TSNAX: variants seen among roughly 807,000 people sequenced by gnomAD.
The protein encoded by TSNAX is translin associated factor X, also known as translin-associated protein X.
A neutral mutation model predicts 33.0 loss-of-function variants in TSNAX; 12 were observed. That is an observed-to-expected ratio of 0.36 (90% CI 0.23 to 0.59). The LOEUF (loss-of-function observed/expected upper bound fraction) is 0.59. TSNAX is among the 20% of genes least tolerant of loss of function. The pLI is 0.74. For synonymous variants in TSNAX, 110 were observed against 117.2 expected (o/e 0.94, Z 0.40); for missense variants, 267 against 341.3 (o/e 0.78, Z 1.72).
At chr1:231,540,086 ATTGCTTGAACTCAGGAAGCGGAGG>A (rs1659468869) in intron 3 of TSNAX, among the ~76,000 whole-genome samples, 1 of 145,668 alleles carries the variant, frequency 6.9e-6, no homozygotes, top group African/African-American at 2.5e-5. Flanking sequence ...AGGCAGGAGA[ATTGCTTGAACTCAGGAAGCGGAGG>A]TTGCTTGAAC....
intron 3 of TSNAX, among the ~76,000 whole-genome samples, chr1:231,538,819 C>T (rs1046748964): frequency 2.6e-5 from 4 of 151,838 alleles, no homozygotes; most frequent in Admixed American, 1.3e-4. Context: ...GTAGTCCCAG[C>T]TGCTCAGGAG....
At chr1:231,561,331 C>A in intron 5 of TSNAX, 76 bp downstream of exon 5, 2 of 1,168,240 alleles carry the variant, frequency 1.7e-6, no homozygotes, top group Non-Finnish European at 2.4e-6. Context: ...GATTTACTGG[C>A]TTATGCTAAG....
chr1:231,540,682 G>A (rs1208281373), intron 3 of TSNAX, among the ~76,000 whole-genome samples: 4 of 152,176 alleles, frequency 2.6e-5, no homozygotes, highest in African/African-American at 4.8e-5. Flanking sequence ...ATTTCCTTAT[G>A]ATTTTCTGTA....
intron 4 of TSNAX, among the ~76,000 whole-genome samples, chr1:231,557,501 G>A (rs2124937027): frequency 6.6e-6 from 1 of 152,320 alleles, no homozygotes; most frequent in African/African-American, 2.4e-5. Flanking sequence ...ATTGAAGTAG[G>A]TTGAGAAGTG....
intron 5 of TSNAX, among the ~76,000 whole-genome samples, chr1:231,563,851 A>G (rs1661268785): frequency 6.6e-6 from 1 of 152,122 alleles, no homozygotes; most frequent in African/African-American, 2.4e-5. Flanking sequence ...AGAACCATCT[A>G]ATGATAAGTA....
chr1:231,544,724 C>A (rs1239279966), intron 4 of TSNAX, among the ~76,000 whole-genome samples: 3 of 152,106 alleles, frequency 2.0e-5, no homozygotes, highest in African/African-American at 7.2e-5. Context: ...ATAATGATAC[C>A]AAAAGCAACC....
chr1:231,539,441 C>G (rs914855356), intron 3 of TSNAX, among the ~76,000 whole-genome samples: 1 of 152,052 alleles, frequency 6.6e-6, no homozygotes, highest in Non-Finnish European at 1.5e-5. Flanking sequence ...CTTAGAGTGT[C>G]TTGTTGCTAA....
chr1:231,533,068 C>CTT (rs746007509), intron 2 of TSNAX, among the ~76,000 whole-genome samples: 1,678 of 136,390 alleles, frequency 0.012, 56 homozygotes, highest in African/African-American at 0.042. Flanking sequence ...CATGGGAAGT[C>CTT]TTTTTTTTTT....
At chr1:231,559,979 A>T (rs1164855307) in intron 4 of TSNAX, among the ~76,000 whole-genome samples, 61 of 147,748 alleles carry the variant, frequency 4.1e-4, no homozygotes, top group Admixed American at 1.0e-3. Flanking sequence ...TATTATTATT[A>T]TTATTATTTT....
chr1:231,560,071 C>T (rs1232348506), intron 4 of TSNAX, among the ~76,000 whole-genome samples: 1 of 151,454 alleles, frequency 6.6e-6, no homozygotes, highest in African/African-American at 2.4e-5. Flanking sequence ...GCTCTGCTTC[C>T]CGGGTTCACG....
chr1:231,561,072 G>T lies in TSNAX; in HGVS notation c.368-56G>T. 7 of 1,549,200 alleles carry T rather than the reference G, an allele frequency of 4.5e-6. No homozygotes were observed. The South Asian group carries it at 8.4e-5, about 19-fold the overall frequency. On this transcript the variant is annotated intron_variant, in intron 4 of 5. Coordinates refer to ENST00000366639, the MANE Select transcript of TSNAX (RefSeq NM_005999.3). ...GATCAATATGAAGTTTTTTTATTAT[G>T]ACATTCTTACTAATTAAGTGCTTAT...
intron 2 of TSNAX, among the ~76,000 whole-genome samples, chr1:231,530,442 C>T (rs1340724875): frequency 2.6e-5 from 4 of 152,074 alleles, no homozygotes; most frequent in Admixed American, 2.0e-4. Flanking sequence ...CGCCTGTAAT[C>T]CCAGCACTTT....
At chr1:231,562,264 A>T (rs978790762) in intron 5 of TSNAX, among the ~76,000 whole-genome samples, 11 of 150,510 alleles carry the variant, frequency 7.3e-5, no homozygotes, top group Non-Finnish European at 1.5e-4. Flanking sequence ...AATTATTTTT[A>T]AAAACACCAT....
At chr1:231,532,364 A>G (rs1285575755) in intron 2 of TSNAX, among the ~76,000 whole-genome samples, 4 of 151,622 alleles carry the variant, frequency 2.6e-5, no homozygotes, top group African/African-American at 7.3e-5. Context: ...GCTAGTTTTT[A>G]GATTTTTTTG....
chr1:231,550,146 C>T (rs895094097), intron 4 of TSNAX, among the ~76,000 whole-genome samples: 2 of 152,230 alleles, frequency 1.3e-5, no homozygotes, highest in African/African-American at 2.4e-5. Flanking sequence ...AAGACCTTGT[C>T]TGCAAATACA....
At chr1:231,552,031 T>TA in intron 4 of TSNAX, among the ~76,000 whole-genome samples, 1 of 151,770 alleles carries the variant, frequency 6.6e-6, no homozygotes, top group South Asian at 2.1e-4. Context: ...CGCGGTGGCT[T>TA]ACGCCTGTAA....
intron 4 of TSNAX, among the ~76,000 whole-genome samples, chr1:231,558,495 A>G (rs1184392589): frequency 1.3e-5 from 2 of 152,190 alleles, no homozygotes; most frequent in Non-Finnish European, 2.9e-5. Context: ...CAAGTGATAC[A>G]GCTATTACTG....
At chr1:231,530,346 C>T (rs1002394207) in intron 2 of TSNAX, among the ~76,000 whole-genome samples, 1 of 152,158 alleles carries the variant, frequency 6.6e-6, no homozygotes, top group Non-Finnish European at 1.5e-5. Flanking sequence ...CTACTGTGAT[C>T]GTCAGAAGTT....
chr1:231,533,216 A>C (rs995503129), intron 2 of TSNAX, among the ~76,000 whole-genome samples: 3 of 151,258 alleles, frequency 2.0e-5, no homozygotes, highest in Non-Finnish European at 2.9e-5. Flanking sequence ...CTCCTGCCTC[A>C]GCCTCCCAGG....
Sources: gnomAD v4.1 joint callset for allele counts (sites outside exome capture counted in the v4.1 genomes callset) on GRCh38, gnomAD v4.1.1 for gene constraint, MANE v1.5 for transcripts, NCBI Gene and HGNC (gene_info 2026-07-23, HGNC 2026-07-21) for gene names.